The following KLHL29 variants were observed in gnomAD, a reference collection of about 807,000 sequenced individuals.
KLHL29 encodes kelch-like protein 29.
Under a neutral mutation model 80.4 loss-of-function variants are expected in KLHL29, and 21 were observed. The ratio of observed to expected loss-of-function variants is 0.26; its 90% confidence interval spans 0.19 to 0.38. The LOEUF (loss-of-function observed/expected upper bound fraction) is 0.38. Ranked by LOEUF, KLHL29 falls within the 10% of genes least tolerant of loss-of-function variation. The probability of loss-of-function intolerance (pLI) is 1.00; values close to 1 mark genes in which losing one functional copy is unlikely to be tolerated. For synonymous variants in KLHL29, 511 were observed against 526.8 expected (o/e 0.97, Z 0.41); for missense variants, 867 against 1,223.9 (o/e 0.71, Z 4.35).
At chr2:23,610,209 C>G (rs1205907328) in intron 3 of KLHL29, among the ~76,000 whole-genome samples, 1 of 152,178 alleles carries the variant, frequency 6.6e-6, no homozygotes, top group Non-Finnish European at 1.5e-5. Context: ...GATACTGCTG[C>G]TGGGTCTGTT....
At chr2:23,469,036 T>C (rs894967666) in intron 1 of KLHL29, among the ~76,000 whole-genome samples, 3 of 152,218 alleles carry the variant, frequency 2.0e-5, no homozygotes, top group Non-Finnish European at 4.4e-5. Context: ...TTCTCATGGC[T>C]CTCGCCTATT....
intron 5 of KLHL29, among the ~76,000 whole-genome samples, chr2:23,654,702 G>GGT (rs1553350645): frequency 8.7e-6 from 1 of 114,692 alleles, no homozygotes; most frequent in Admixed American, 9.2e-5. Flanking sequence ...AGGTTGGGGG[G>GGT]GGGGGGTGGA....
intron 2 of KLHL29, among the ~76,000 whole-genome samples, chr2:23,497,328 T>C (rs1323480718): frequency 6.6e-6 from 1 of 152,200 alleles, no homozygotes; most frequent in Non-Finnish European, 1.5e-5. Flanking sequence ...TGTCCCTCCA[T>C]GACTAGAGCA....
intron 2 of KLHL29, among the ~76,000 whole-genome samples, chr2:23,504,843 C>T (rs1474689107): frequency 1.1e-4 from 16 of 152,226 alleles, no homozygotes; most frequent in Admixed American, 1.0e-3. Context: ...GGCCGCCATT[C>T]TGGCCGTTGA....
chr2:23,570,456 C>T (rs576955534), intron 3 of KLHL29, among the ~76,000 whole-genome samples: 23 of 152,328 alleles, frequency 1.5e-4, no homozygotes, highest in East Asian at 9.6e-4. Flanking sequence ...CAGCCACCCA[C>T]GGGGTCACCC....
intron 2 of KLHL29, among the ~76,000 whole-genome samples, chr2:23,553,702 C>T (rs1426566028): frequency 6.6e-6 from 1 of 152,200 alleles, no homozygotes; most frequent in Non-Finnish European, 1.5e-5. Context: ...TTGGCCCCAC[C>T]TGTCACTCTT....
intron 2 of KLHL29, among the ~76,000 whole-genome samples, chr2:23,476,692 A>G (rs1211741106): frequency 6.6e-6 from 1 of 152,260 alleles, no homozygotes; most frequent in East Asian, 1.9e-4. Context: ...TAACAGCACA[A>G]CAAACATTGT....
chr2:23,519,214 C>T (rs1220316237), intron 2 of KLHL29, among the ~76,000 whole-genome samples: 2 of 152,318 alleles, frequency 1.3e-5, no homozygotes, highest in African/African-American at 4.8e-5. Flanking sequence ...CTCCGCTAGT[C>T]AGTCTTGGAC....
At chr2:23,663,072 T>C (rs1670457150) in intron 5 of KLHL29, among the ~76,000 whole-genome samples, 1 of 151,442 alleles carries the variant, frequency 6.6e-6, no homozygotes, top group African/African-American at 2.4e-5. Flanking sequence ...TCCGAGAGGG[T>C]GGCAGGTGGG....
chr2:23,539,626 G>A (rs746486964), intron 2 of KLHL29, among the ~76,000 whole-genome samples: 4 of 151,632 alleles, frequency 2.6e-5, no homozygotes, highest in Non-Finnish European at 5.9e-5. Flanking sequence ...TTTTTTTTAA[G>A]AGATGGGGTC....
In KLHL29 at chr2:23,695,260, G is replaced by A. The variant is rs774514300; in HGVS notation, c.1543-363G>A. Among the ~76,000 whole-genome samples the A allele has an allele frequency of 7.2e-5, 11 of 152,068 alleles. No homozygotes were observed. Among genetic ancestry groups the A allele is most frequent in the Non-Finnish European group, 5.9e-5 (4 of 68,016 alleles). On this transcript the variant is annotated intron_variant, in intron 8 of 13. Coordinates refer to ENST00000486442, the MANE Select transcript of KLHL29 (RefSeq NM_052920.2). This position sits in a 1 kb window ranked among gnomAD's most constrained non-coding sequence, Gnocchi z 7.6. ...ACACTCACAGCTCTTTAATAATCGC[G>A]TCTTCCTCATTTTAACCCCTCGCCC...
intron 13 of KLHL29, among the ~76,000 whole-genome samples, chr2:23,706,237 G>A (rs867028586): frequency 4.6e-5 from 7 of 152,314 alleles, no homozygotes; most frequent in East Asian, 1.9e-4. Context: ...TCACTCTGGC[G>A]GGGCAGGGAG....
chr2:23,612,134 C>G (rs1225573820), intron 3 of KLHL29, among the ~76,000 whole-genome samples: 1 of 152,052 alleles, frequency 6.6e-6, no homozygotes, highest in Non-Finnish European at 1.5e-5. Context: ...GTCATAGATT[C>G]AAGAAACACT....
chr2:23,566,154 C>T (rs1163414761), intron 3 of KLHL29, among the ~76,000 whole-genome samples: 2 of 152,236 alleles, frequency 1.3e-5, no homozygotes, highest in East Asian at 1.9e-4. Context: ...AGATTCCTCA[C>T]GTGTCTTGAG....
chr2:23,407,028 C>G (rs1035289895), intron 1 of KLHL29, among the ~76,000 whole-genome samples: 1 of 152,048 alleles, frequency 6.6e-6, no homozygotes, highest in South Asian at 2.1e-4. Context: ...TTTTTTTCCT[C>G]TTAACCTTGC....
chr2:23,515,365 A>G (rs1038927702), intron 2 of KLHL29, among the ~76,000 whole-genome samples: 3 of 152,088 alleles, frequency 2.0e-5, no homozygotes, highest in African/African-American at 7.2e-5. Context: ...CACAACATAC[A>G]TGCTATTTCA....
At chr2:23,573,780 C>A (rs937675460) in intron 3 of KLHL29, among the ~76,000 whole-genome samples, 1 of 152,216 alleles carries the variant, frequency 6.6e-6, no homozygotes, top group African/African-American at 2.4e-5. Context: ...GATAGCACTC[C>A]GGTGCATGAT....
chr2:23,600,773 C>T (rs558948932), intron 3 of KLHL29, among the ~76,000 whole-genome samples: 1 of 152,278 alleles, frequency 6.6e-6, no homozygotes, highest in East Asian at 1.9e-4. Flanking sequence ...GCCCTGGCTC[C>T]CACAGAGTCC....
intron 8 of KLHL29, among the ~76,000 whole-genome samples, chr2:23,694,791 C>A (rs1295198992): frequency 1.3e-5 from 2 of 152,218 alleles, no homozygotes; most frequent in African/African-American, 4.8e-5. Flanking sequence ...TTGTATACCC[C>A]ATCCAGATGC....
Sources: gnomAD v4.1 joint callset for allele counts (sites outside exome capture counted in the v4.1 genomes callset) on GRCh38, gnomAD v4.1.1 for gene constraint, Gnocchi (gnomAD v3.1) non-coding constraint, MANE v1.5 for transcripts, NCBI Gene and HGNC (gene_info 2026-07-23, HGNC 2026-07-21) for gene names.